The following ZNF644 variants were observed in gnomAD, a reference collection of about 807,000 sequenced individuals.
ZNF644 encodes the protein zinc finger motif enhancer binding protein 2.
ZNF644 carries 20 observed loss-of-function variants against 108.0 expected under a neutral mutation model. The observed-to-expected ratio is 0.19, with a 90% confidence interval of 0.13 to 0.27. The LOEUF is 0.27. ZNF644 is among the 10% of genes least tolerant of loss of function. The probability of loss-of-function intolerance (pLI) is 1.00; values close to 1 mark genes in which losing one functional copy is unlikely to be tolerated. For synonymous variants in ZNF644, 542 were observed against 539.1 expected, an observed-to-expected ratio of 1.01 and a Z score of -0.08; for missense variants, 1,338 against 1,548.9, an observed-to-expected ratio of 0.86 and a Z score of 2.29.
At chr1:91,010,840 A>G (rs1247801565) in intron 1 of ZNF644, among the ~76,000 whole-genome samples, 4 of 152,310 alleles carry the variant, frequency 2.6e-5, no homozygotes, top group Admixed American at 2.0e-4. Context: ...AAAAGTTATG[A>G]AAATTGGGGG....
intron 4 of ZNF644, 119 bp from the exon 5 acceptor site, chr1:90,918,273 AT>A: frequency 1.3e-6 from 1 of 793,268 alleles, no homozygotes; most frequent in Middle Eastern, 3.0e-4. Flanking sequence ...GTCCGCATTC[AT>A]TTCCCTATTC....
In ZNF644 at chr1:90,937,647, TAAG is replaced by T. The variant is rs781246193; in HGVS notation, c.3523_3525del (p.Leu1175del). The T allele has an allele frequency of 3.1e-6, 5 of 1,613,974 alleles. No homozygotes were observed. Among genetic ancestry groups the T allele is most frequent in the Admixed American group, 3.3e-5 (2 of 60,008 alleles). On this transcript the variant is annotated inframe_deletion, in exon 4 of 6. Transcript: ENST00000337393. Reference sequence around the variant, plus strand: ...CTTTCTTCTCCCATCCTTTTATTTTTAAGAAGTTCTATGAGTGTAAGAGACTGA... The same window carrying T: ...CTTTCTTCTCCCATCCTTTTATTTTTAAGTTCTATGAGTGTAAGAGACTGA...
intron 1 of ZNF644, among the ~76,000 whole-genome samples, chr1:91,011,800 T>C (rs994275995): frequency 2.0e-5 from 3 of 152,026 alleles, no homozygotes; most frequent in Non-Finnish European, 4.4e-5. Context: ...AAAATTACAA[T>C]CAGAAATACC....
Position 90,939,964 on chromosome 1 carries a change from G to C in ZNF644, c.1390C>G (p.Leu464Val), listed in dbSNP as rs752198519. 10 of 1,613,980 alleles carry C rather than the reference G, an allele frequency of 6.2e-6. No homozygotes were observed. The highest frequency in any genetic ancestry group is 8.5e-6 in the Non-Finnish European group (10 of 1,179,954). The change falls in exon 3 of 6, where the codon CTA becomes GTA. Residue 464 changes from leucine to valine, a missense_variant. Transcript: ENST00000337393. ...GRTFRDRNSL[L>V]KHMIIHQERR... ...TCCTGGTGAATAATCATATGTTTTAGAAGTGAATTGCGATCTCGAAATGTC... is the reference window on the plus strand; with the variant it reads ...TCCTGGTGAATAATCATATGTTTTACAAGTGAATTGCGATCTCGAAATGTC...
At position 90,982,294 on chromosome 1, in the gene ZNF644, G is replaced by A; in HGVS notation, c.44+16C>T. On this transcript the variant is annotated intron_variant, in intron 2 of 5. Transcript: ENST00000337393. ...TACCTTGATATGTACATTTAACAAA[G>A]CAGTCTTCTACTTACCTAGATTTTG... The A allele has an allele frequency of 6.3e-7, 1 of 1,599,512 alleles. No homozygotes were observed. The highest frequency in any genetic ancestry group is 1.3e-5 in the African/African-American group (1 of 74,748).
In ZNF644 at chr1:90,916,691, A is replaced by G; in HGVS notation, c.*107T>C. On this transcript the variant is annotated 3_prime_UTR_variant, in exon 6 of 6. Transcript: ENST00000337393. ...TGTCACTGTAATTCACTTTCCCCCC[A>G]TTTTCCTGCTTTAGTATTTATAAAC... The G allele has an allele frequency of 7.9e-7, 1 of 1,260,918 alleles. No homozygotes were observed. The highest frequency in any genetic ancestry group is 2.0e-5 in the Admixed American group (1 of 51,114). 78.1% of individuals were successfully genotyped at this position (1,260,918 alleles called of 1,614,324 possible). A position where few individuals can be genotyped will look rare whatever the true frequency, so the allele number is the denominator to read the frequency against.
intron 1 of ZNF644, among the ~76,000 whole-genome samples, chr1:91,019,529 A>G (rs1660709456): frequency 1.3e-5 from 2 of 152,178 alleles, no homozygotes; most frequent in Non-Finnish European, 2.9e-5. Flanking sequence ...TGTTTCACTG[A>G]AAGTCACTTT....
chr1:90,981,138 A>G (rs764150746), intron 2 of ZNF644, among the ~76,000 whole-genome samples: 6 of 152,168 alleles, frequency 3.9e-5, no homozygotes, highest in Non-Finnish European at 4.4e-5. Context: ...CTTCAAGTAC[A>G]AAAGAATGGC....
chr1:90,951,281 G>GT (rs1653136119), intron 2 of ZNF644, among the ~76,000 whole-genome samples: 1 of 152,012 alleles, frequency 6.6e-6, no homozygotes, highest in Non-Finnish European at 1.5e-5. Flanking sequence ...ATGACTCCCT[G>GT]TTTTTCTCAG....
chr1:90,927,815 T>C (rs1446768360), intron 4 of ZNF644, among the ~76,000 whole-genome samples: 2 of 151,972 alleles, frequency 1.3e-5, no homozygotes, highest in Admixed American at 6.6e-5. Flanking sequence ...CCTCCCTCTC[T>C]TCCTCCCTCC....
At position 90,968,859 on chromosome 1, in the gene ZNF644, A is replaced by G. The variant is rs546874103; in HGVS notation, c.44+13451T>C. ...ACCTTGAATGCATATATGCACATCTAGATGCATTTATCCTATTTACTTGCC... is the reference window on the plus strand; with the variant it reads ...ACCTTGAATGCATATATGCACATCTGGATGCATTTATCCTATTTACTTGCC... On this transcript the variant is annotated intron_variant, in intron 2 of 5. Transcript: ENST00000337393. Among the ~76,000 whole-genome samples the G allele has an allele frequency of 2.0e-4, 31 of 152,304 alleles. No individual in the cohort carries two copies. In the South Asian group the frequency reaches 6.2e-3, roughly 31 times the overall value.
intron 1 of ZNF644, among the ~76,000 whole-genome samples, chr1:90,998,333 C>A (rs190651182): frequency 6.6e-6 from 1 of 152,312 alleles, no homozygotes; most frequent in East Asian, 1.9e-4. Flanking sequence ...AGCCAGGTAC[C>A]CCTCTGAGAC....
At chr1:90,967,501 G>A (rs973701485) in intron 2 of ZNF644, among the ~76,000 whole-genome samples, 3 of 152,120 alleles carry the variant, frequency 2.0e-5, no homozygotes, top group Non-Finnish European at 4.4e-5. Flanking sequence ...CCAAGAGAAT[G>A]GGAACCATGT....
At chr1:90,974,964 A>C (rs531224781) in intron 2 of ZNF644, among the ~76,000 whole-genome samples, 1 of 152,192 alleles carries the variant, frequency 6.6e-6, no homozygotes, top group South Asian at 2.1e-4. Flanking sequence ...CAGTTCCAGC[A>C]ATCTTCCCTT....
intron 1 of ZNF644, among the ~76,000 whole-genome samples, chr1:91,004,863 G>A (rs533853537): frequency 2.6e-5 from 4 of 152,156 alleles, no homozygotes; most frequent in African/African-American, 9.6e-5. Context: ...TGATTTAAGT[G>A]ATACACTTGA....
At chr1:90,985,185 G>C (rs1656972028) in intron 1 of ZNF644, among the ~76,000 whole-genome samples, 1 of 151,940 alleles carries the variant, frequency 6.6e-6, no homozygotes, top group South Asian at 2.1e-4. Flanking sequence ...ATTCTTAATT[G>C]ACAAATACTA....
chr1:90,957,006 C>A (rs1402289453), intron 2 of ZNF644, among the ~76,000 whole-genome samples: 3 of 152,014 alleles, frequency 2.0e-5, no homozygotes. Context: ...AGAATTATAA[C>A]AGAATACTAT....
At chr1:90,971,305 CAA>C (rs1293699733) in intron 2 of ZNF644, among the ~76,000 whole-genome samples, 26 of 120,576 alleles carry the variant, frequency 2.2e-4, no homozygotes, top group Admixed American at 3.3e-4. Flanking sequence ...ACAATTGATG[CAA>C]AAAAAAAAAA....
intron 2 of ZNF644, among the ~76,000 whole-genome samples, chr1:90,976,300 G>A (rs1656000681): frequency 6.6e-6 from 1 of 151,996 alleles, no homozygotes; most frequent in Non-Finnish European, 1.5e-5. Flanking sequence ...ACTCAGACTT[G>A]GCAGTATTGT....
Sources: gnomAD v4.1 joint callset for allele counts (sites outside exome capture counted in the v4.1 genomes callset) on GRCh38, gnomAD v4.1.1 for gene constraint, MANE v1.5 for transcripts, NCBI Gene and HGNC (gene_info 2026-07-23, HGNC 2026-07-21) for gene names.